Variants in CACNG2 observed in about 807,000 individuals in gnomAD.
CACNG2 encodes voltage-dependent calcium channel gamma-2 subunit.
CACNG2 carries 3 observed loss-of-function variants against 25.9 expected under a neutral mutation model. The observed-to-expected ratio is 0.12, with a 90% CI of 0.05 to 0.30. The LOEUF is 0.30. Among genes scored for constraint, CACNG2 ranks in the 10% least tolerant of loss-of-function variants. CACNG2 has a pLI of 1.00. For synonymous variants in CACNG2, 167 were observed against 173.3 expected, an observed-to-expected ratio of 0.96 and a Z score of 0.29; for missense variants, 341 against 432.5, an observed-to-expected ratio of 0.79 and a Z score of 1.88.
At chr22:36,669,818 T>C (rs949530572) in intron 1 of CACNG2, among the ~76,000 whole-genome samples, 3 of 152,180 alleles carry the variant, frequency 2.0e-5, no homozygotes, top group Non-Finnish European at 4.4e-5. Context: ...GTTCAAGCAA[T>C]TCTCCTGTCT....
intron 1 of CACNG2, among the ~76,000 whole-genome samples, chr22:36,623,298 G>A (rs998129055): frequency 2.0e-5 from 3 of 152,206 alleles, no homozygotes; most frequent in African/African-American, 7.2e-5. Context: ...TGGGATTACA[G>A]GCATGAGCCA....
At chr22:36,698,448 G>A (rs5750283) in intron 1 of CACNG2, among the ~76,000 whole-genome samples, 124,880 of 152,156 alleles carry the variant, frequency 0.82, 51,790 homozygotes, top group Non-Finnish European at 0.89. Context: ...AAGGCTATTG[G>A]CTTTCCTAAA....
At position 36,618,023 on chromosome 22, in the gene CACNG2, T is replaced by G. The variant is rs148577561; in HGVS notation, c.212-30475A>C. On this transcript the variant is annotated intron_variant, in intron 1 of 3. Transcript: ENST00000300105. ...TGCAGTATGATTGTCTGATTCTAAG[T>G]GCCATCCTGGGTGGAGGTGGAGGGC... Among the ~76,000 whole-genome samples, 94 of 152,256 alleles carry G rather than the reference T, an allele frequency of 6.2e-4. No individual in the cohort carries two copies. In the Middle Eastern group the frequency reaches 0.01, roughly 17 times the overall value.
intron 2 of CACNG2, among the ~76,000 whole-genome samples, chr22:36,569,092 A>G (rs1935180697): frequency 6.6e-6 from 1 of 152,194 alleles, no homozygotes; most frequent in African/African-American, 2.4e-5. Context: ...AAGCCACCTT[A>G]ACTCTCATCT....
intron 2 of CACNG2, among the ~76,000 whole-genome samples, chr22:36,571,686 A>G (rs1935227164): frequency 6.6e-6 from 1 of 151,754 alleles, no homozygotes; most frequent in African/African-American, 2.4e-5. Flanking sequence ...AGACCAGCCT[A>G]GCCAATATGA....
intron 2 of CACNG2, among the ~76,000 whole-genome samples, chr22:36,579,404 C>CAA (rs34224180): frequency 0.043 from 2,027 of 47,140 alleles, 290 homozygotes; most frequent in African/African-American, 0.082. Flanking sequence ...AACTCTGTCT[C>CAA]AAAAAAAAAA....
intron 1 of CACNG2, among the ~76,000 whole-genome samples, chr22:36,642,335 T>A (rs2145967734): frequency 6.6e-6 from 1 of 152,306 alleles, no homozygotes; most frequent in Non-Finnish European, 1.5e-5. Flanking sequence ...GGTTGGGGAT[T>A]TGACCGTTTC....
At chr22:36,645,510 C>CTGGGCG (rs1205254086) in intron 1 of CACNG2, among the ~76,000 whole-genome samples, 1 of 142,892 alleles carries the variant, frequency 7.0e-6, no homozygotes, top group Non-Finnish European at 1.5e-5. Flanking sequence ...GCACTCCAGC[C>CTGGGCG]TGGGCGACAG....
chr22:36,568,605 A>T (rs549378913), intron 2 of CACNG2, among the ~76,000 whole-genome samples: 1 of 151,894 alleles, frequency 6.6e-6, no homozygotes, highest in Non-Finnish European at 1.5e-5. Flanking sequence ...GGGTTTCGCT[A>T]TGTTGGCCAG....
intron 1 of CACNG2, among the ~76,000 whole-genome samples, chr22:36,633,105 C>T (rs1936301016): frequency 6.6e-6 from 1 of 152,202 alleles, no homozygotes; most frequent in African/African-American, 2.4e-5. Context: ...GTGACCCTCC[C>T]TAGCCACTCT....
chr22:36,657,535 T>C (rs959806551), intron 1 of CACNG2, among the ~76,000 whole-genome samples: 1 of 152,050 alleles, frequency 6.6e-6, no homozygotes, highest in African/African-American at 2.4e-5. Context: ...GGGGCCGGAA[T>C]TGCTTTTATT....
intron 1 of CACNG2, among the ~76,000 whole-genome samples, chr22:36,668,427 T>C (rs1569046514): frequency 6.6e-6 from 1 of 152,116 alleles, no homozygotes; most frequent in Non-Finnish European, 1.5e-5. Context: ...TCTGCACGCT[T>C]GAGAACAAGA....
chr22:36,677,091 A>T (rs1045911558), intron 1 of CACNG2, among the ~76,000 whole-genome samples: 5 of 152,140 alleles, frequency 3.3e-5, no homozygotes, highest in African/African-American at 1.2e-4. Context: ...CCTGCTTCAG[A>T]AGAAAAATAA....
Position 36,581,427 on chromosome 22 carries a change from C to A in CACNG2, c.295+6038G>T, listed in dbSNP as rs548473228. ...TCCTTCTGCCAAGCCCTCCAAGAGG[C>A]TGGACAACATCTTAAGCTTGGCCTG... is the stretch of plus-strand genomic sequence containing the variant. On this transcript the variant is annotated intron_variant, in intron 2 of 3. Transcript: ENST00000300105. Among the ~76,000 whole-genome samples the A allele has an allele frequency of 2.0e-5, 3 of 152,332 alleles. No homozygotes were observed. In the East Asian group the frequency reaches 5.8e-4, roughly 29 times the overall value.
intron 1 of CACNG2, among the ~76,000 whole-genome samples, chr22:36,588,474 C>T (rs898743092): frequency 5.9e-5 from 9 of 152,218 alleles, no homozygotes; most frequent in Non-Finnish European, 1.0e-4. Flanking sequence ...ACCAGAGCAT[C>T]GGCTTCCTGA....
At chr22:36,574,857 G>T (rs556545835) in intron 2 of CACNG2, among the ~76,000 whole-genome samples, 1 of 152,180 alleles carries the variant, frequency 6.6e-6, no homozygotes, top group Non-Finnish European at 1.5e-5. Flanking sequence ...CAAAGGTTTG[G>T]TTTTGGACAT....
chr22:36,636,913 G>T (rs1936364976), intron 1 of CACNG2, among the ~76,000 whole-genome samples: 1 of 152,254 alleles, frequency 6.6e-6, no homozygotes, highest in Non-Finnish European at 1.5e-5. Context: ...AATCTGACCA[G>T]TTAAAAGTGT....
intron 1 of CACNG2, among the ~76,000 whole-genome samples, chr22:36,656,980 G>A (rs901043791): frequency 3.3e-5 from 5 of 152,264 alleles, no homozygotes; most frequent in African/African-American, 1.2e-4. Flanking sequence ...CCTTCATGAG[G>A]GTCAGGACTT....
At chr22:36,601,785 T>G (rs541820379) in intron 1 of CACNG2, among the ~76,000 whole-genome samples, 4 of 152,048 alleles carry the variant, frequency 2.6e-5, no homozygotes, top group Non-Finnish European at 5.9e-5. Flanking sequence ...GCCTGGGGAG[T>G]GTAGGTATCA....
Sources: gnomAD v4.1 joint callset for allele counts (sites outside exome capture counted in the v4.1 genomes callset) on GRCh38, gnomAD v4.1.1 for gene constraint, MANE v1.5 for transcripts, NCBI Gene and HGNC (gene_info 2026-07-23, HGNC 2026-07-21) for gene names.